The following PLCG2 variants were observed in gnomAD, a reference collection of about 807,000 sequenced individuals.
PLCG2 encodes phospholipase C gamma 2, also known as 1-phosphatidylinositol 4,5-bisphosphate phosphodiesterase gamma-2.
PLCG2 carries 69 observed loss-of-function variants against 175.6 expected under a neutral mutation model. The ratio of observed to expected loss-of-function variants is 0.39; its 90% CI spans 0.32 to 0.48. PLCG2 has a LOEUF of 0.48. PLCG2 is among the 20% of genes least tolerant of loss of function. PLCG2 has a pLI of 0.91. For synonymous variants in PLCG2, 827 were observed against 624.0 expected (o/e 1.33, Z -4.85); for missense variants, 1,798 against 1,650.9 (o/e 1.09, Z -1.54).
chr16:81,814,587 C>T (rs111441423), intron 2 of PLCG2, among the ~76,000 whole-genome samples: 19 of 152,038 alleles, frequency 1.2e-4, no homozygotes, highest in East Asian at 1.9e-4. Flanking sequence ...CCTAGCTACT[C>T]GGGAGGCTGA....
intron 2 of PLCG2, among the ~76,000 whole-genome samples, chr16:81,808,419 G>T (rs1430274380): frequency 6.6e-6 from 1 of 152,184 alleles, no homozygotes; most frequent in Non-Finnish European, 1.5e-5. Flanking sequence ...GAGAGGCTGT[G>T]TGGCCCCAAG....
chr16:81,850,695 C>T (rs1475516345), intron 2 of PLCG2, among the ~76,000 whole-genome samples: 1 of 152,110 alleles, frequency 6.6e-6, no homozygotes, highest in African/African-American at 2.4e-5. Flanking sequence ...GATATTTAAG[C>T]ATGTAGAAGC....
intron 2 of PLCG2, among the ~76,000 whole-genome samples, chr16:81,802,047 T>C (rs1283699553): frequency 1.4e-5 from 2 of 147,000 alleles, no homozygotes; most frequent in Non-Finnish European, 3.0e-5. Flanking sequence ...CAACATTCTG[T>C]CTGGAATGAA....
chr16:81,938,865 A>C lies in PLCG2; in HGVS notation c.3263A>C (p.Glu1088Ala), dbSNP rs1426507749. The C allele has an allele frequency of 1.2e-6, 2 of 1,613,520 alleles. No individual in the cohort carries two copies. The highest frequency in any genetic ancestry group is 3.3e-5 in the Admixed American group (2 of 59,990). The change falls in exon 29 of 33, where the codon GAG becomes GCG. Residue 1088 changes from glutamate to alanine, a missense_variant. Physicochemically the swap from Glu to Ala is moderately radical, Grantham distance 107. Coordinates refer to ENST00000564138, the MANE Select transcript of PLCG2 (RefSeq NM_002661.5). Reference protein sequence around the residue: ...RSIACPFVEVEICGAEYDNNK... With the variant: ...RSIACPFVEVAICGAEYDNNK... Reference sequence around the variant, plus strand: ...ATTGCCTGTCCCTTTGTAGAAGTGGAGATCTGTGGAGCCGAGTATGACAAC... The same window carrying C: ...ATTGCCTGTCCCTTTGTAGAAGTGGCGATCTGTGGAGCCGAGTATGACAAC...
chr16:81,824,046 TTCCTGTCCTGTCCTGTCCTG>T (rs71146049), intron 2 of PLCG2, among the ~76,000 whole-genome samples: 6,767 of 108,092 alleles, frequency 0.063, 469 homozygotes, highest in Non-Finnish European at 0.076. Flanking sequence ...TTCCTTTCCT[TTCCTGTCCTGTCCTGTCCTG>T]TCCTGTCCTG....
chr16:81,928,662 C>T lies in PLCG2; in HGVS notation c.2581+38C>T, dbSNP rs765488614. On this transcript the variant is annotated intron_variant, in intron 24 of 32. Coordinates refer to ENST00000564138, the MANE Select transcript of PLCG2 (RefSeq NM_002661.5). ...ATCATCTTAGCCTGGATTTCCACCCCTATCCCCCATGGGCTGACCTCAGCC... is the reference window on the plus strand; with the variant it reads ...ATCATCTTAGCCTGGATTTCCACCCTTATCCCCCATGGGCTGACCTCAGCC... 4.9e-6 allele frequency: 7 copies of T among 1,434,450 alleles called. No individual in the cohort carries two copies. The African/African-American group carries it at 9.8e-5, about 20-fold the overall frequency. The allele number at this position is 1,434,450 out of a possible 1,614,324, so 88.9% of individuals were successfully genotyped here.
intron 2 of PLCG2, among the ~76,000 whole-genome samples, chr16:81,794,265 TC>T (rs1231678671): frequency 6.6e-6 from 1 of 152,222 alleles, no homozygotes; most frequent in African/African-American, 2.4e-5. Flanking sequence ...CTCTTGGACT[TC>T]TTTTCATGGA....
chr16:81,839,789 G>A (rs1260713417), intron 2 of PLCG2, among the ~76,000 whole-genome samples: 1 of 152,214 alleles, frequency 6.6e-6, no homozygotes, highest in African/African-American at 2.4e-5. Flanking sequence ...GGTGGCTCAT[G>A]CCTGTAATCC....
At chr16:81,763,882 G>T (rs532605909) in intron 2 of PLCG2, among the ~76,000 whole-genome samples, 1 of 152,054 alleles carries the variant, frequency 6.6e-6, no homozygotes, top group Non-Finnish European at 1.5e-5. Flanking sequence ...CATGAGAGTC[G>T]CTTGAACCCA....
chr16:81,858,081 T>G, intron 3 of PLCG2, 182 bp from the exon 4 acceptor site: 2 of 556,736 alleles, frequency 3.6e-6, no homozygotes, highest in Non-Finnish European at 6.5e-6. Context: ...TGGCCCCATC[T>G]CAGACAAAAA....
chr16:81,860,182 T>A (rs1056271588), intron 5 of PLCG2, among the ~76,000 whole-genome samples: 40 of 147,466 alleles, frequency 2.7e-4, no homozygotes, highest in African/African-American at 9.6e-4. Context: ...ATTTTTTTTT[T>A]TTTTTGTAAA....
Position 81,858,374 on chromosome 16 carries a change from G to A in PLCG2, c.431+18G>A. The A allele has an allele frequency of 6.5e-7, 1 of 1,549,488 alleles. No individual in the cohort carries two copies. The highest frequency in any genetic ancestry group is 8.9e-7 in the Non-Finnish European group (1 of 1,121,070). On this transcript the variant is annotated intron_variant, in intron 4 of 32. Transcript: ENST00000564138. The stretch of plus-strand genomic sequence containing the variant: ...ATCGAGAGGTAGTTGGCTTTTGCCT[G>A]TTGATTTGCGTAGTTGCTGATTCCT...
At chr16:81,797,944 C>T (rs558775662) in intron 2 of PLCG2, among the ~76,000 whole-genome samples, 9 of 151,978 alleles carry the variant, frequency 5.9e-5, no homozygotes, top group Non-Finnish European at 1.2e-4. Flanking sequence ...AATTATTCTG[C>T]CTCAGCCTCC....
At chr16:81,741,663 A>T (rs1014822814) in intron 1 of PLCG2, among the ~76,000 whole-genome samples, 5 of 152,264 alleles carry the variant, frequency 3.3e-5, no homozygotes, top group Admixed American at 1.3e-4. Context: ...TACAAAAATG[A>T]ACTTGGTGTG....
intron 5 of PLCG2, among the ~76,000 whole-genome samples, chr16:81,866,895 A>G (rs1597362930): frequency 6.6e-6 from 1 of 152,190 alleles, no homozygotes; most frequent in Non-Finnish European, 1.5e-5. Context: ...GACCACTCCC[A>G]GGGCTGAGGC....
chr16:81,881,009 T>G (rs1597370555), intron 8 of PLCG2, 56 bp downstream of exon 8: 1 of 1,557,300 alleles, frequency 6.4e-7, no homozygotes, highest in South Asian at 1.1e-5. Context: ...CGGTGCCTGG[T>G]GCCCAGCCGG....
In PLCG2 at chr16:81,859,143, G is replaced by A; in HGVS notation, c.459G>A (p.Val153=). 6.3e-7 allele frequency: 1 copy of A among 1,597,356 alleles called. No homozygotes were observed. Among genetic ancestry groups the A allele is most frequent in the Admixed American group, 1.7e-5 (1 of 59,958 alleles). ...GGCTGAGAAAGCAGATATATTCTGT[G>A]GATCAAACCAGAAGAAACAGGTAAG... ...ESWLRKQIYS[V]DQTRRNSISL... The change falls in exon 5 of 33, where the codon GTG becomes GTA. Residue 153 remains valine (V), a synonymous_variant. Transcript: ENST00000564138.
chr16:81,763,027 AG>A (rs1326992125), intron 2 of PLCG2, among the ~76,000 whole-genome samples: 1 of 152,242 alleles, frequency 6.6e-6, no homozygotes, highest in East Asian at 1.9e-4. Context: ...ACTGTATTCT[AG>A]CCTGGGCAAC....
At chr16:81,918,855 C>G (rs1023591864) in intron 19 of PLCG2, among the ~76,000 whole-genome samples, 4 of 151,722 alleles carry the variant, frequency 2.6e-5, no homozygotes, top group African/African-American at 9.7e-5. Context: ...TGGATTTTTT[C>G]TGCTTCATGT....
Sources: gnomAD v4.1 joint callset for allele counts (sites outside exome capture counted in the v4.1 genomes callset) on GRCh38, gnomAD v4.1.1 for gene constraint, MANE v1.5 for transcripts, NCBI Gene and HGNC (gene_info 2026-07-23, HGNC 2026-07-21) for gene names.